HMMR: variants seen among roughly 807,000 people sequenced by gnomAD.
HMMR encodes hyaluronan mediated motility receptor, also known as intracellular hyaluronic acid-binding protein.
A neutral mutation model predicts 101.0 loss-of-function variants in HMMR; 108 were observed. The ratio of observed to expected loss-of-function variants is 1.07; its 90% CI spans 0.92 to 1.25. The LOEUF (loss-of-function observed/expected upper bound fraction) is 1.25, where lower values mean the gene tolerates loss of function less well. Among genes scored for constraint, HMMR ranks in the 50% most tolerant of loss-of-function variants. HMMR has a pLI of 0.00. For synonymous variants in HMMR, 296 were observed against 276.4 expected (o/e 1.07, Z -0.70); for missense variants, 813 against 788.7 (o/e 1.03, Z -0.37).
At chr5:163,479,552 C>T (rs1486461997) in intron 12 of HMMR, among the ~76,000 whole-genome samples, 1 of 152,098 alleles carries the variant, frequency 6.6e-6, no homozygotes, top group Non-Finnish European at 1.5e-5. Context: ...GCACATGCTA[C>T]TTGGGAGGCT....
At chr5:163,477,374 A>G (rs947175608) in intron 11 of HMMR, among the ~76,000 whole-genome samples, 1 of 152,192 alleles carries the variant, frequency 6.6e-6, no homozygotes, top group Admixed American at 6.5e-5. Context: ...ATGAGTTTGT[A>G]TTATTGTAAT....
At chr5:163,461,821 A>T (rs1247522981) in intron 1 of HMMR, among the ~76,000 whole-genome samples, 2 of 152,036 alleles carry the variant, frequency 1.3e-5, no homozygotes, top group Non-Finnish European at 2.9e-5. Flanking sequence ...GGACTGTGCT[A>T]CTAGATCTTG....
At chr5:163,483,741 C>T (rs1759366932) in intron 15 of HMMR, among the ~76,000 whole-genome samples, 1 of 152,062 alleles carries the variant, frequency 6.6e-6, no homozygotes, top group Non-Finnish European at 1.5e-5. Context: ...TCTCAATATA[C>T]TGATCTTTTA....
chr5:163,481,774 G>GC (rs1759274731), intron 12 of HMMR, among the ~76,000 whole-genome samples: 1 of 152,120 alleles, frequency 6.6e-6, no homozygotes, highest in South Asian at 2.1e-4. Flanking sequence ...CTTAGTCTAA[G>GC]CCTCCTTTAT....
chr5:163,470,484 A>G (rs963170411), intron 5 of HMMR, among the ~76,000 whole-genome samples: 2 of 151,974 alleles, frequency 1.3e-5, no homozygotes, highest in African/African-American at 2.4e-5. Context: ...TTAGTCAGGT[A>G]TGGTGGCGTA....
intron 3 of HMMR, among the ~76,000 whole-genome samples, chr5:163,465,958 C>G (rs557264439): frequency 2.3e-4 from 27 of 119,032 alleles, no homozygotes; most frequent in African/African-American, 3.9e-4. Flanking sequence ...GAGACTCAGT[C>G]TCTCCAAAAA....
At chr5:163,480,657 C>T (rs541603501) in intron 12 of HMMR, among the ~76,000 whole-genome samples, 2 of 152,200 alleles carry the variant, frequency 1.3e-5, no homozygotes, top group South Asian at 4.1e-4. Context: ...TATAAGTTTC[C>T]ATTTATCTTC....
At chr5:163,489,097 G>A (rs1184178451) in intron 16 of HMMR, among the ~76,000 whole-genome samples, 1 of 152,188 alleles carries the variant, frequency 6.6e-6, no homozygotes, top group Non-Finnish European at 1.5e-5. Context: ...AGATCATGAG[G>A]CATTAGATTC....
At position 163,460,654 on chromosome 5, in the gene HMMR, A is replaced by T. The variant is rs1758488583; in HGVS notation, c.-39A>T. On this transcript the variant is annotated 5_prime_UTR_variant, in exon 1 of 18. Transcript: ENST00000393915. ...GATAATCCGCATTCAGTTGTCGAGG[A>T]GTGCCAGTCACCTTCAGTTTCTGGA... The T allele has an allele frequency of 6.3e-7, 1 of 1,580,414 alleles. No homozygotes were observed.
chr5:163,482,434 A>AT (rs950203647), intron 12 of HMMR, among the ~76,000 whole-genome samples: 19 of 151,242 alleles, frequency 1.3e-4, no homozygotes, highest in African/African-American at 1.7e-4. Flanking sequence ...TAGGCACTTG[A>AT]TTTTTTTTTC....
chr5:163,474,096 T>C lies in HMMR; in HGVS notation c.944T>C (p.Leu315Pro). 6.2e-7 allele frequency: 1 copy of C among 1,611,774 alleles called. No individual in the cohort carries two copies. Among genetic ancestry groups the C allele is most frequent in the Non-Finnish European group, 8.5e-7 (1 of 1,178,672 alleles). ...AGGAATAGAGAACACAACGAAAATC[T>C]AAATGCAGAGATGCAAAACTTAAAA... Reference protein sequence around the residue: ...VNRNREHNENLNAEMQNLKQK... With the variant: ...VNRNREHNENPNAEMQNLKQK... The change falls in exon 10 of 18, where the codon CTA (leucine) becomes CCA (proline). Residue 315 changes from leucine (L) to proline (P), a missense_variant. Transcript: ENST00000393915.
At chr5:163,471,060 C>A in intron 5 of HMMR, 125 bp from the exon 6 acceptor site, 2 of 643,182 alleles carry the variant, frequency 3.1e-6, no homozygotes, top group Non-Finnish European at 5.5e-6. Context: ...ACTGTTCTCT[C>A]TACCAAAGTA....
At chr5:163,465,978 A>G (rs1758693519) in intron 3 of HMMR, among the ~76,000 whole-genome samples, 1 of 146,312 alleles carries the variant, frequency 6.8e-6, no homozygotes, top group Admixed American at 6.8e-5. Flanking sequence ...AAAAAAAAAA[A>G]GACAGCCGGG....
chr5:163,489,761 G>A (rs939768577), intron 16 of HMMR, among the ~76,000 whole-genome samples: 7 of 152,172 alleles, frequency 4.6e-5, no homozygotes, highest in Admixed American at 2.0e-4. Flanking sequence ...GGATATAACT[G>A]CAGCCACAGG....
chr5:163,477,633 C>G (rs1024369438), intron 11 of HMMR, among the ~76,000 whole-genome samples: 1 of 152,020 alleles, frequency 6.6e-6, no homozygotes, highest in African/African-American at 2.4e-5. Flanking sequence ...TATTCCAACT[C>G]AAAAAACTGT....
At chr5:163,480,045 T>G (rs1759204200) in intron 12 of HMMR, among the ~76,000 whole-genome samples, 1 of 152,300 alleles carries the variant, frequency 6.6e-6, no homozygotes, top group Middle Eastern at 3.4e-3. Flanking sequence ...ATGCATAACA[T>G]GTACATAAAC....
rs1561638996 is a variant in HMMR, at chr5:163,471,203, CAGA to C, written c.486_488del (p.Lys162del). ...TATTTAGTTTTCTGAAAATGGTAACCAGAAGAATTTGAGAATTCTAAGCTTGGA... is the reference window on the plus strand; with the variant it reads ...TATTTAGTTTTCTGAAAATGGTAACCAGAATTTGAGAATTCTAAGCTTGGA... On this transcript the variant is annotated inframe_deletion, in exon 6 of 18. Coordinates refer to ENST00000393915, the MANE Select transcript of HMMR (RefSeq NM_001142556.2). 3 of 1,606,686 alleles carry C rather than the reference CAGA, an allele frequency of 1.9e-6. No individual in the cohort carries two copies.
At chr5:163,474,764 G>C (rs1022500211) in intron 10 of HMMR, among the ~76,000 whole-genome samples, 2 of 152,026 alleles carry the variant, frequency 1.3e-5, no homozygotes, top group African/African-American at 4.8e-5. Context: ...CAAAATACTG[G>C]TGAGAGTTAA....
At chr5:163,484,356 T>C (rs1759396183) in intron 16 of HMMR, 111 bp downstream of exon 16, 3 of 595,472 alleles carry the variant, frequency 5.0e-6, no homozygotes, top group Admixed American at 3.8e-5. Flanking sequence ...TAACTGTTTA[T>C]AGAGGAAAAT....
Sources: allele counts gnomAD v4.1 joint callset (sites outside exome capture counted in the v4.1 genomes callset), GRCh38; gene constraint gnomAD v4.1.1; transcripts MANE v1.5; gene names NCBI Gene and HGNC (gene_info 2026-07-23, HGNC 2026-07-21).